The following TRMT44 variants were observed in gnomAD, a reference collection of about 807,000 sequenced individuals.
The protein encoded by TRMT44 is probable tRNA (uracil-O(2)-)-methyltransferase.
TRMT44 carries 78 observed loss-of-function variants against 77.3 expected under a neutral mutation model. The observed-to-expected ratio is 1.01, with a 90% CI of 0.84 to 1.22. The LOEUF (loss-of-function observed/expected upper bound fraction) is 1.22. Among genes scored for constraint, TRMT44 ranks in the 50% most tolerant of loss-of-function variants. The pLI, the probability that TRMT44 is intolerant of heterozygous loss-of-function variation, is 0.00. For missense variants in TRMT44, 1,090 were observed against 964.4 expected, an observed-to-expected ratio of 1.13 and a Z score of -1.73; for synonymous variants, 391 against 383.3, an observed-to-expected ratio of 1.02 and a Z score of -0.23.
chr4:8,476,234 T>G lies in TRMT44; in HGVS notation c.*233T>G, dbSNP rs929570899. The G allele has an allele frequency of 1.9e-5, 11 of 581,874 alleles. No homozygotes were observed. Among genetic ancestry groups the G allele is most frequent in the South Asian group, 1.4e-4 (7 of 48,958 alleles). 36.0% of individuals were successfully genotyped at this position (581,874 alleles called of 1,614,324 possible). On this transcript the variant is annotated 3_prime_UTR_variant, in exon 11 of 11. Transcript: ENST00000389737. ...CTGGCTTGTTTCAGATGCAGCCGCTTGAAACGTGCGCAGCATCTTCATATC... is the reference window on the plus strand; with the variant it reads ...CTGGCTTGTTTCAGATGCAGCCGCTGGAAACGTGCGCAGCATCTTCATATC...
At chr4:8,449,559 G>A in intron 2 of TRMT44, 110 bp from the exon 3 acceptor site, 7 of 839,038 alleles carry the variant, frequency 8.3e-6, no homozygotes, top group Non-Finnish European at 1.2e-5. Context: ...TATGTTTTTG[G>A]TAATATAGAT....
At chr4:8,497,045 A>C (rs1728168708), downstream of TRMT44, among the ~76,000 whole-genome samples, 1 of 152,128 alleles carries the variant, frequency 6.6e-6, no homozygotes, top group African/African-American at 2.4e-5. Context: ...GAAAAGAACA[A>C]GTGTTTTTCT....
intron 6 of TRMT44, among the ~76,000 whole-genome samples, chr4:8,459,432 C>T (rs1184709438): frequency 3.3e-5 from 5 of 152,140 alleles, no homozygotes; most frequent in African/African-American, 1.2e-4. Flanking sequence ...GCGAGGAAAC[C>T]GAGGTACCCT....
chr4:8,470,335 A>G (rs947657803), intron 9 of TRMT44, among the ~76,000 whole-genome samples: 3 of 152,188 alleles, frequency 2.0e-5, no homozygotes, highest in Middle Eastern at 3.2e-3. Flanking sequence ...GCTCAGCTGC[A>G]TACAGACAGG....
At chr4:8,510,872 C>T in the TRMT44 span, 4 of 152,550 alleles carry the variant, frequency 2.6e-5, no homozygotes, top group South Asian at 2.1e-4. Context: ...CTCCACACCC[C>T]TCCTCCCATG....
At chr4:8,474,336 AGAGT>A (rs1727220591) in intron 10 of TRMT44, among the ~76,000 whole-genome samples, 1 of 152,182 alleles carries the variant, frequency 6.6e-6, no homozygotes, top group South Asian at 2.1e-4. Context: ...GGACATGGGC[AGAGT>A]GTCGCGGGAC....
chr4:8,463,651 G>A (rs1726316067), intron 6 of TRMT44, among the ~76,000 whole-genome samples: 1 of 152,198 alleles, frequency 6.6e-6, no homozygotes. Context: ...TCTGCCAGAG[G>A]TGAAACCGTT....
intron 6 of TRMT44, among the ~76,000 whole-genome samples, chr4:8,459,074 C>T (rs1451336253): frequency 4.0e-5 from 6 of 151,652 alleles, no homozygotes; most frequent in Admixed American, 2.6e-4. Flanking sequence ...TGGTGGCATG[C>T]ACCTGTAGTC....
intron 2 of TRMT44, among the ~76,000 whole-genome samples, chr4:8,484,817 A>C (rs1231086418): frequency 1.3e-5 from 2 of 152,232 alleles, no homozygotes; most frequent in Non-Finnish European, 2.9e-5. Context: ...AACCATGCCC[A>C]GGAAGGAAGG....
chr4:8,450,022 AGTGGT>A, intron 3 of TRMT44, 134 bp downstream of exon 3: 1 of 573,550 alleles, frequency 1.7e-6, no homozygotes, highest in Non-Finnish European at 2.8e-6. Flanking sequence ...GCCAGAGTGA[AGTGGT>A]GTGATCTTGG....
At chr4:8,503,041 C>T in the TRMT44 span, among the ~76,000 whole-genome samples, 1 of 152,250 alleles carries the variant, frequency 6.6e-6, no homozygotes, top group Non-Finnish European at 1.5e-5. Flanking sequence ...CCTCACCTCC[C>T]ACATGAGAGG....
Position 8,468,047 on chromosome 4 carries a change from C to G in TRMT44, c.1628C>G (p.Pro543Arg). ...CCTGGCTGGGAGCTTTCCCCTTCTC[C>G]ACGCTGGGTTGCTGCTGGCAGTGCT... The part of the protein sequence containing the change: ...SPPGWELSPS[P>R]RWVAAGSAGH... Residue 543 changes from proline (P) to arginine (R), a missense_variant, in exon 9 of 11, where the codon CCA becomes CGA. By Grantham distance (103) the Pro-to-Arg change is moderately radical (BLOSUM62 -2). Transcript: ENST00000389737. 6.2e-7 allele frequency: 1 copy of G among 1,613,982 alleles called. No homozygotes were observed. The highest frequency in any genetic ancestry group is 8.5e-7 in the Non-Finnish European group (1 of 1,180,034).
At chr4:8,445,173 G>T (rs893889737) in intron 1 of TRMT44, among the ~76,000 whole-genome samples, 1 of 152,180 alleles carries the variant, frequency 6.6e-6, no homozygotes, top group Non-Finnish European at 1.5e-5. Flanking sequence ...TTTATTTTTT[G>T]TATAAATAGG....
chr4:8,513,051 G>T, the TRMT44 span, among the ~76,000 whole-genome samples: 1 of 152,044 alleles, frequency 6.6e-6, no homozygotes, highest in Non-Finnish European at 1.5e-5. Flanking sequence ...TCAGTAGCTG[G>T]GATTACAGGT....
chr4:8,441,822 T>TGGGGGCCA (rs1346785759), intron 1 of TRMT44, among the ~76,000 whole-genome samples: 1 of 151,978 alleles, frequency 6.6e-6, no homozygotes, highest in Non-Finnish European at 1.5e-5. Flanking sequence ...GCATAAAGAT[T>TGGGGGCCA]GGGGGCCAGG....
intron 2 of TRMT44, among the ~76,000 whole-genome samples, chr4:8,484,421 C>CTG (rs1456863373): frequency 6.6e-6 from 1 of 152,094 alleles, no homozygotes; most frequent in Non-Finnish European, 1.5e-5. Context: ...ATTATGAGAG[C>CTG]TGTAGAGAGT....
intron 2 of TRMT44, among the ~76,000 whole-genome samples, chr4:8,489,262 C>T (rs1431972006): frequency 6.6e-6 from 1 of 152,192 alleles, no homozygotes; most frequent in Non-Finnish European, 1.5e-5. Context: ...GTGTCCTGTC[C>T]TTAAAAGCCT....
chr4:8,493,714 G>A (rs968594313), downstream of TRMT44, among the ~76,000 whole-genome samples: 14 of 151,934 alleles, frequency 9.2e-5, no homozygotes, highest in South Asian at 2.3e-3. Context: ...TCAGCGCAGC[G>A]GATCCTTTTG....
chr4:8,457,198 T>A (rs1725864067), intron 6 of TRMT44, among the ~76,000 whole-genome samples: 1 of 152,182 alleles, frequency 6.6e-6, no homozygotes, highest in Non-Finnish European at 1.5e-5. Flanking sequence ...AGGCTAGGTC[T>A]GCTGTTCTGT....
Sources: allele counts gnomAD v4.1 joint callset (sites outside exome capture counted in the v4.1 genomes callset), GRCh38; gene constraint gnomAD v4.1.1; transcripts MANE v1.5; gene names NCBI Gene and HGNC (gene_info 2026-07-23, HGNC 2026-07-21).